The following DMXL2 variants were observed in gnomAD, a reference collection of about 807,000 sequenced individuals.
DMXL2 encodes the protein dmX-like protein 2.
Under a neutral mutation model 331.1 loss-of-function variants are expected in DMXL2, and 103 were observed. That is an observed-to-expected ratio of 0.31 (90% CI 0.27 to 0.37). The LOEUF is 0.37. Ranked by LOEUF, DMXL2 falls within the 10% of genes least tolerant of loss-of-function variation. The pLI is 1.00. For synonymous variants in DMXL2, 1,281 were observed against 1,252.1 expected (o/e 1.02, Z -0.49); for missense variants, 3,171 against 3,642.9 (o/e 0.87, Z 3.33).
Position 51,450,352 on chromosome 15 carries a change from G to A in DMXL2, c.8750-6C>T. The A allele has an allele frequency of 6.2e-7, 1 of 1,613,484 alleles. No homozygotes were observed. The highest frequency in any genetic ancestry group is 8.5e-7 in the Non-Finnish European group (1 of 1,179,654). On this transcript the variant is annotated splice_polypyrimidine_tract_variant and splice_region_variant and intron_variant, in intron 42 of 43. Coordinates refer to ENST00000560891, the MANE Select transcript of DMXL2 (RefSeq NM_001378457.1). ...ATGATCGTGGCACGTGAAACCTGAAGAAGAAAAACATCAGAGAATTTCTCA... is the reference window on the plus strand; with the variant it reads ...ATGATCGTGGCACGTGAAACCTGAAAAAGAAAAACATCAGAGAATTTCTCA...
At chr15:51,511,439 A>G (rs960571932) in intron 15 of DMXL2, among the ~76,000 whole-genome samples, 1 of 152,258 alleles carries the variant, frequency 6.6e-6, no homozygotes, top group Non-Finnish European at 1.5e-5. Context: ...ATATGAAAAA[A>G]TGCTCATCAT....
intron 39 of DMXL2, 102 bp downstream of exon 39, chr15:51,455,964 T>A: frequency 2.2e-6 from 3 of 1,380,414 alleles, no homozygotes; most frequent in Non-Finnish European, 3.0e-6. Context: ...TCAGTTTAAA[T>A]CCAGGGTCAC....
intron 29 of DMXL2, 77 bp downstream of exon 29, chr15:51,471,146 C>T: frequency 1.5e-6 from 2 of 1,365,590 alleles, no homozygotes; most frequent in East Asian, 2.3e-5. Context: ...CCCATCATTC[C>T]TATGTGAGAC....
chr15:51,569,871 G>C lies in DMXL2; in HGVS notation c.214-1313C>G, dbSNP rs372544564. On this transcript the variant is annotated intron_variant, in intron 2 of 43. Transcript: ENST00000560891. ...AAATGGCTGAAAATTCCCAAAACCA[G>C]AACACCTCTTCTCCTCCAAATGATC... is the stretch of plus-strand genomic sequence containing the variant. Among the ~76,000 whole-genome samples the C allele has an allele frequency of 2.6e-5, 4 of 152,234 alleles. No homozygotes were observed. The East Asian group carries it at 7.7e-4, about 29-fold the overall frequency.
At chr15:51,482,628 T>C (rs1429719687) in intron 23 of DMXL2, among the ~76,000 whole-genome samples, 2 of 152,230 alleles carry the variant, frequency 1.3e-5, no homozygotes, top group Non-Finnish European at 2.9e-5. Flanking sequence ...TTTGGAGGAA[T>C]GGTCATTTCC....
chr15:51,606,300 C>T lies in DMXL2; in HGVS notation c.87+16159G>A, dbSNP rs189839394. On this transcript the variant is annotated intron_variant, in intron 1 of 43. Coordinates refer to ENST00000560891, the MANE Select transcript of DMXL2 (RefSeq NM_001378457.1). ...TCAGCTCACTGCAACCTCTGCCTCCCGGGTTCAAGCAATTCTTCTGCCTCA... is the reference window on the plus strand; with the variant it reads ...TCAGCTCACTGCAACCTCTGCCTCCTGGGTTCAAGCAATTCTTCTGCCTCA... Among the ~76,000 whole-genome samples the T allele has an allele frequency of 5.9e-5, 9 of 152,206 alleles. No homozygotes were observed. The East Asian group carries it at 1.5e-3, about 26-fold the overall frequency.
chr15:51,594,433 A>G (rs539359225), intron 1 of DMXL2, among the ~76,000 whole-genome samples: 46 of 152,338 alleles, frequency 3.0e-4, no homozygotes, highest in African/African-American at 1.1e-3. Flanking sequence ...ATAGCTTACC[A>G]ACCAAAAAAA....
intron 2 of DMXL2, among the ~76,000 whole-genome samples, chr15:51,569,500 A>G (rs2050516724): frequency 6.6e-6 from 1 of 152,170 alleles, no homozygotes; most frequent in Admixed American, 6.5e-5. Context: ...TGCCTCCTCA[A>G]GTGGGTCCCT....
intron 2 of DMXL2, 113 bp downstream of exon 2, chr15:51,575,943 C>T (rs2050997200): frequency 9.2e-7 from 1 of 1,090,802 alleles, no homozygotes; most frequent in African/African-American, 1.6e-5. Flanking sequence ...CTAATAATCA[C>T]CCAAGCAATA....
chr15:51,490,461 C>T (rs1371903771), intron 20 of DMXL2, among the ~76,000 whole-genome samples: 4 of 152,318 alleles, frequency 2.6e-5, no homozygotes, highest in African/African-American at 9.6e-5. Context: ...TATAGTACCA[C>T]TGATTGTACT....
At chr15:51,541,359 T>C (rs1174629197) in intron 9 of DMXL2, among the ~76,000 whole-genome samples, 2 of 152,134 alleles carry the variant, frequency 1.3e-5, no homozygotes, top group African/African-American at 4.8e-5. Flanking sequence ...TAAAATAGTA[T>C]TTCAACAAGT....
chr15:51,496,835 G>T (rs183858837), intron 18 of DMXL2, among the ~76,000 whole-genome samples: 97 of 152,270 alleles, frequency 6.4e-4, no homozygotes, highest in Non-Finnish European at 1.2e-3. Context: ...ACAAATGGAA[G>T]AACTCATTTA....
chr15:51,490,495 A>T (rs2042715861), intron 20 of DMXL2, among the ~76,000 whole-genome samples: 1 of 152,250 alleles, frequency 6.6e-6, no homozygotes, highest in South Asian at 2.1e-4. Context: ...AAGGACTAAA[A>T]GGAAAATATG....
chr15:51,498,641 C>G lies in DMXL2; in HGVS notation c.4583G>C (p.Arg1528Pro). ...AGCTACAAGGAACATCTGCTCCAAA[C>G]GGGTAAGGCCTGGTAGACTTGAGTG... ...LMHSSLPGLT[R>P]LEQMFLVALA... The change falls in exon 18 of 44, where the codon CGT (arginine) becomes CCT (proline). Residue 1528 changes from arginine to proline, a missense_variant. Physicochemically the swap from Arg to Pro is moderately radical, Grantham distance 103. Around this residue, in one of 7 missense-constraint regions of DMXL2, gnomAD observed 252 missense variants for 387.4 expected, o/e 0.65. Transcript: ENST00000560891. The G allele has an allele frequency of 6.2e-7, 1 of 1,614,170 alleles. No homozygotes were observed. The highest frequency in any genetic ancestry group is 8.5e-7 in the Non-Finnish European group (1 of 1,180,024).
intron 39 of DMXL2, among the ~76,000 whole-genome samples, chr15:51,455,782 A>T (rs1055614912): frequency 6.6e-6 from 1 of 152,194 alleles, no homozygotes; most frequent in Non-Finnish European, 1.5e-5. Context: ...TTCTCTCAAG[A>T]ACTTTACTGT....
intron 2 of DMXL2, among the ~76,000 whole-genome samples, chr15:51,573,817 G>A (rs763109028): frequency 3.9e-5 from 6 of 151,982 alleles, no homozygotes; most frequent in South Asian, 2.1e-4. Context: ...CGTTCTGCAC[G>A]TGTGCCCCAG....
chr15:51,537,478 TA>T lies in DMXL2; in HGVS notation c.1617+9del. On this transcript the variant is annotated intron_variant, in intron 11 of 43. Transcript: ENST00000560891. Reference sequence around the variant, plus strand: ...AGAAATGTAATAACTATTTCATCAATAAAATATACCTGAACTTGTCTAAATA... The same window carrying T: ...AGAAATGTAATAACTATTTCATCAATAAATATACCTGAACTTGTCTAAATA... The T allele has an allele frequency of 6.3e-7, 1 of 1,593,550 alleles. No homozygotes were observed. Among genetic ancestry groups the T allele is most frequent in the Non-Finnish European group, 8.6e-7 (1 of 1,166,596 alleles).
At position 51,536,705 on chromosome 15, in the gene DMXL2, G is replaced by A; in HGVS notation, c.1775C>T (p.Ser592Leu). Residue 592 changes from serine to leucine, a missense_variant, in exon 12 of 44, where the codon TCA becomes TTA. Transcript: ENST00000560891. Reference protein sequence around the residue: ...EGMSVGSPHGSQPHSRSHSTH... With the variant: ...EGMSVGSPHGLQPHSRSHSTH... ...ACTGTGGGATCTAGAGTGTGGCTGT[G>A]ATCCGTGAGGACTGCCTACAGACAT... is the stretch of plus-strand genomic sequence containing the variant. 4 of 1,614,032 alleles carry A rather than the reference G, an allele frequency of 2.5e-6. No homozygotes were observed. The highest frequency in any genetic ancestry group is 2.5e-6 in the Non-Finnish European group (3 of 1,179,982).
rs769283309 is a variant in DMXL2 at position 51,502,306 on chromosome 15, T to TTGTGTGTGTGTGTGTGTG, written c.2992+482_2992+499dup. On this transcript the variant is annotated intron_variant, in intron 17 of 43. Transcript: ENST00000560891. ...ATTTATCACAGGAAATTTTGTGGGT[T>TTGTGTGTGTGTGTGTGTG]TGTGTGTGTGTGTGTGTGTGTGTGT... 2.3e-3 allele frequency among the ~76,000 whole-genome samples: 317 copies of TTGTGTGTGTGTGTGTGTG among 140,612 alleles called. 3 individuals carry two copies. The highest frequency in any genetic ancestry group is 7.6e-3 in the African/African-American group (282 of 37,046). The allele number at this position is 140,612 out of a possible 152,430, so 92.2% of individuals were successfully genotyped here.
Sources: allele counts gnomAD v4.1 joint callset (sites outside exome capture counted in the v4.1 genomes callset), GRCh38; gene constraint gnomAD v4.1.1; regional missense constraint gnomAD v4.1.1; transcripts MANE v1.5; gene names NCBI Gene and HGNC (gene_info 2026-07-23, HGNC 2026-07-21).